The following PRPF6 variants were observed in gnomAD, a reference collection of about 807,000 sequenced individuals.
PRPF6 encodes the protein pre-mRNA-processing factor 6.
A neutral mutation model predicts 118.3 loss-of-function variants in PRPF6; 42 were observed. The ratio of observed to expected loss-of-function variants is 0.35; its 90% CI spans 0.28 to 0.46. The LOEUF (loss-of-function observed/expected upper bound fraction) is 0.46, where lower values mean the gene tolerates loss of function less well. Among genes scored for constraint, PRPF6 ranks in the 20% least tolerant of loss-of-function variants. The pLI, the probability that PRPF6 is intolerant of heterozygous loss-of-function variation, is 1.00. For missense variants in PRPF6, 662 were observed against 1,255.7 expected (o/e 0.53, Z 7.15); for synonymous variants, 481 against 485.1 (o/e 0.99, Z 0.11).
At chr20:63,990,341 C>A (rs2059112993) in intron 3 of PRPF6, among the ~76,000 whole-genome samples, 1 of 152,196 alleles carries the variant, frequency 6.6e-6, no homozygotes, top group African/African-American at 2.4e-5. Context: ...ATCCTTTGGC[C>A]TCCCAGAGTG....
At position 64,021,884 on chromosome 20, in the gene PRPF6, G is replaced by A. The variant is rs534248616; in HGVS notation, c.1648-873G>A. Among the ~76,000 whole-genome samples the A allele has an allele frequency of 4.4e-4, 66 of 148,606 alleles. No homozygotes were observed. The East Asian group carries it at 0.011, about 26-fold the overall frequency. On this transcript the variant is annotated intron_variant, in intron 12 of 20. Transcript: ENST00000266079. ...ATGCATGTGCCTCGGCCACAGCCCC[G>A]TGTCTGTGTGTGTGTGTGTGTGCAC...
intron 12 of PRPF6, among the ~76,000 whole-genome samples, chr20:64,017,408 C>T (rs1451601763): frequency 1.3e-5 from 2 of 150,590 alleles, no homozygotes; most frequent in African/African-American, 2.5e-5. Flanking sequence ...CGTGAGCCGC[C>T]GCGCCCGGCC....
intron 6 of PRPF6, among the ~76,000 whole-genome samples, chr20:63,996,662 C>T (rs2059142256): frequency 6.6e-6 from 1 of 152,184 alleles, no homozygotes; most frequent in South Asian, 2.1e-4. Context: ...GCCAGGCACT[C>T]ATGCCTGTAA....
chr20:64,026,009 G>A lies in PRPF6; in HGVS notation c.1979G>A (p.Arg660Gln). 6.2e-7 allele frequency: 1 copy of A among 1,611,934 alleles called. No homozygotes were observed. Among genetic ancestry groups the A allele is most frequent in the Non-Finnish European group, 8.5e-7 (1 of 1,180,016 alleles). Residue 660 changes from arginine (R) to glutamine (Q), a missense_variant, in exon 15 of 21, where the codon CGG becomes CAG. Arg to Gln is a conservative substitution (Grantham distance 43). Transcript: ENST00000266079. This position sits in a 1 kb window ranked among gnomAD's most constrained non-coding sequence, Gnocchi z 4.4. ...GAGTCCGAGAATGATGAGTACGAGC[G>A]GGCCCGGAGGCTGCTGGCCAAGGCG... ...KLESENDEYE[R>Q]ARRLLAKARS...
chr20:64,017,442 C>T (rs1315376710), intron 12 of PRPF6, among the ~76,000 whole-genome samples: 6 of 149,002 alleles, frequency 4.0e-5, no homozygotes, highest in Admixed American at 2.7e-4. Context: ...GGATCACAGG[C>T]GTGAGCCGCC....
intron 9 of PRPF6, among the ~76,000 whole-genome samples, chr20:64,005,201 G>A (rs1360818457): frequency 6.6e-6 from 1 of 152,150 alleles, no homozygotes; most frequent in Non-Finnish European, 1.5e-5. Context: ...TGGTTTTAGT[G>A]CCATGCCTGT....
rs2059292177 is a variant in PRPF6, at chr20:64,026,572, A to G, written c.2029-410A>G. Among the ~76,000 whole-genome samples, 1 of 151,958 alleles carries G rather than the reference A, an allele frequency of 6.6e-6. No individual in the cohort carries two copies. The highest frequency in any genetic ancestry group is 2.4e-5 in the African/African-American group (1 of 41,344). On this transcript the variant is annotated intron_variant, in intron 15 of 20. Transcript: ENST00000266079. The surrounding 1 kb of genome is among the most constrained non-coding windows in gnomAD (Gnocchi z 4.4). Reference sequence around the variant, plus strand: ...GGTGGCTCACGCCTGTAATCCCAGCACTTTGGGAGGCCAAGGCAGGTAGAT... The same window carrying G: ...GGTGGCTCACGCCTGTAATCCCAGCGCTTTGGGAGGCCAAGGCAGGTAGAT...
intron 19 of PRPF6, among the ~76,000 whole-genome samples, chr20:64,031,523 A>G (rs1449176609): frequency 6.6e-6 from 1 of 151,986 alleles, no homozygotes; most frequent in Non-Finnish European, 1.5e-5. Context: ...AAATACAAAA[A>G]TTAGCCGGGT....
In PRPF6 at chr20:64,029,911, T is replaced by C. The variant is rs574607293; in HGVS notation, c.2546+420T>C. ...GCTGGCCGCCGGGTCAGAGACTCAC[T>C]GGGGACACATGTGATTCACACTGGT... On this transcript the variant is annotated intron_variant, in intron 19 of 20. Transcript: ENST00000266079. The surrounding 1 kb of genome is among the most constrained non-coding windows in gnomAD (Gnocchi z 4.8). 2.1e-4 allele frequency among the ~76,000 whole-genome samples: 31 copies of C among 148,656 alleles called. No homozygotes were observed. The East Asian group carries it at 5.1e-3, about 25-fold the overall frequency.
chr20:63,993,294 T>C, intron 3 of PRPF6, 113 bp from the exon 4 acceptor site: 1 of 574,924 alleles, frequency 1.7e-6, no homozygotes, highest in African/African-American at 1.9e-5. Context: ...ATATTTGATT[T>C]AGCTACTAAG....
At chr20:64,024,388 G>A (rs1370957125) in intron 13 of PRPF6, among the ~76,000 whole-genome samples, 167 bp from the exon 14 acceptor site, 3 of 152,186 alleles carry the variant, frequency 2.0e-5, no homozygotes, top group Non-Finnish European at 4.4e-5. Flanking sequence ...TTTATGGAGA[G>A]GAAAGATTTC....
intron 8 of PRPF6, among the ~76,000 whole-genome samples, chr20:64,000,443 C>T (rs369357978): frequency 2.0e-4 from 23 of 114,584 alleles, no homozygotes; most frequent in African/African-American, 7.8e-4. Context: ...GGCGACAGAG[C>T]GAGATTCCGT....
chr20:64,002,014 G>GTTTTTTTTTTTTT (rs386394238), intron 9 of PRPF6, among the ~76,000 whole-genome samples: 7 of 83,242 alleles, frequency 8.4e-5, no homozygotes, highest in Admixed American at 2.0e-4. Context: ...TTTTTTTCTG[G>GTTTTTTTTTTTTT]TTTTTTTTTT....
chr20:64,007,381 CTCCCCTCTGCCTCCCG>C (rs2059195130), intron 9 of PRPF6, among the ~76,000 whole-genome samples: 1 of 147,522 alleles, frequency 6.8e-6, no homozygotes, highest in Non-Finnish European at 1.5e-5. Flanking sequence ...CCCGCCTCCC[CTCCCCTCTGCCTCCCG>C]TCCCCTCTTC....
At position 64,029,652 on chromosome 20, in the gene PRPF6, G is replaced by C. The variant is rs963870878; in HGVS notation, c.2546+161G>C. ...GCTCCTGCTGTGGTCTGGGGCAGGC[G>C]CCTCTCCTGGCAGACACACCTGAGG... is the stretch of plus-strand genomic sequence containing the variant. On this transcript the variant is annotated intron_variant, in intron 19 of 20. Coordinates refer to ENST00000266079, the MANE Select transcript of PRPF6 (RefSeq NM_012469.4). The surrounding 1 kb of genome is among the most constrained non-coding windows in gnomAD (Gnocchi z 4.8). 6.6e-6 allele frequency among the ~76,000 whole-genome samples: 1 copy of C among 152,284 alleles called. No individual in the cohort carries two copies. The highest frequency in any genetic ancestry group is 2.4e-5 in the African/African-American group (1 of 41,480).
intron 9 of PRPF6, among the ~76,000 whole-genome samples, chr20:64,005,970 A>C (rs2059188237): frequency 3.3e-5 from 5 of 152,062 alleles, no homozygotes; most frequent in Admixed American, 3.3e-4. Context: ...CCTGGGCTCA[A>C]GTGATCCTCC....
At chr20:64,024,521 C>G (rs2059279293) in intron 13 of PRPF6, 34 bp from the exon 14 acceptor site, 1 of 1,612,826 alleles carries the variant, frequency 6.2e-7, no homozygotes, top group Non-Finnish European at 8.5e-7. Flanking sequence ...GTTTATGGCC[C>G]TGCCTCTGGT....
rs751651873 is a variant in PRPF6, at chr20:64,016,743, G to A, written c.1545G>A (p.Arg515=). ...TTCAGGATGCCGAGGAATGTGACAG[G>A]GCTGGGAGTGTGGCCACCTGCCAGG... ...QWIQDAEECD[R]AGSVATCQAV... is the part of the protein sequence containing the mutation. The change falls in exon 12 of 21, where the codon AGG becomes AGA. Residue 515 remains arginine, a synonymous_variant. Transcript: ENST00000266079. 6.2e-7 allele frequency: 1 copy of A among 1,614,096 alleles called. No homozygotes were observed. Among genetic ancestry groups the A allele is most frequent in the Non-Finnish European group, 8.5e-7 (1 of 1,179,990 alleles).
At chr20:64,032,699 G>A (rs577957476) in intron 20 of PRPF6, 142 bp from the exon 21 acceptor site, 14 of 1,065,126 alleles carry the variant, frequency 1.3e-5, no homozygotes, top group Middle Eastern at 3.0e-4. Context: ...CTTGCCTTCC[G>A]GTGCAGGGCC....
Sources: gnomAD v4.1 joint callset for allele counts (sites outside exome capture counted in the v4.1 genomes callset) on GRCh38, gnomAD v4.1.1 for gene constraint, Gnocchi (gnomAD v3.1) non-coding constraint, MANE v1.5 for transcripts, NCBI Gene and HGNC (gene_info 2026-07-23, HGNC 2026-07-21) for gene names.